Variants in RIMS1 observed in about 807,000 individuals in gnomAD.
RIMS1 encodes the protein regulating synaptic membrane exocytosis 1.
RIMS1 carries 83 observed loss-of-function variants against 214.1 expected under a neutral mutation model. The ratio of observed to expected loss-of-function variants is 0.39; its 90% confidence interval spans 0.32 to 0.47. RIMS1 has a LOEUF of 0.47. Ranked by LOEUF, RIMS1 falls within the 20% of genes least tolerant of loss-of-function variation. The probability of loss-of-function intolerance (pLI) is 0.99; values close to 1 mark genes in which losing one functional copy is unlikely to be tolerated. For synonymous variants in RIMS1, 793 were observed against 786.8 expected (o/e 1.01, Z -0.13); for missense variants, 2,050 against 2,161.8 (o/e 0.95, Z 1.03).
intron 4 of RIMS1, among the ~76,000 whole-genome samples, chr6:72,151,733 G>C (rs2043621584): frequency 6.6e-6 from 1 of 152,132 alleles, no homozygotes; most frequent in African/African-American, 2.4e-5. Flanking sequence ...TTTCAGGGCA[G>C]TACATTTTAC....
chr6:72,038,572 G>C (rs1335411680), intron 2 of RIMS1, among the ~76,000 whole-genome samples: 3 of 151,970 alleles, frequency 2.0e-5, no homozygotes, highest in Non-Finnish European at 4.4e-5. Flanking sequence ...TGGGAAATAG[G>C]GAGTTTTAAA....
Position 72,265,457 on chromosome 6 carries a change from T to C in RIMS1, c.3262T>C (p.Cys1088Arg), listed in dbSNP as rs1350481528. 1.2e-6 allele frequency: 2 copies of C among 1,609,410 alleles called. No individual in the cohort carries two copies. The highest frequency in any genetic ancestry group is 1.7e-5 in the Admixed American group (1 of 59,842). Residue 1088 changes from cysteine (C) to arginine (R), a missense_variant, in exon 21 of 34, where the codon TGC becomes CGC. Transcript: ENST00000521978. ...TRQDISLHHE[C>R]FNSTVLRFTD... ...ACAGGACATTTCCCTTCATCATGAA[T>C]GCTTTAACTCAACAGTATTGAGATT... is the stretch of plus-strand genomic sequence containing the variant.
chr6:72,071,380 G>T (rs1830551455), intron 2 of RIMS1, among the ~76,000 whole-genome samples: 1 of 152,044 alleles, frequency 6.6e-6, no homozygotes, highest in Admixed American at 6.6e-5. Context: ...CTCCAGCCTG[G>T]GTGACAGAGT....
intron 2 of RIMS1, among the ~76,000 whole-genome samples, chr6:71,983,938 A>G (rs1334309777): frequency 6.6e-6 from 1 of 152,124 alleles, no homozygotes; most frequent in African/African-American, 2.4e-5. Context: ...CTAAATTCCA[A>G]TGTCTGGATT....
At position 72,043,453 on chromosome 6, in the gene RIMS1, G is replaced by A. The variant is rs530975730; in HGVS notation, c.246-53496G>A. On this transcript the variant is annotated intron_variant, in intron 2 of 33. Transcript: ENST00000521978. The stretch of plus-strand genomic sequence containing the variant: ...GTTCCTGATGACCTGTGAGTGTGAG[G>A]AAGGAGGTCAAAACTAGAACAACAT... Among the ~76,000 whole-genome samples the A allele has an allele frequency of 2.6e-5, 4 of 151,880 alleles. No individual in the cohort carries two copies. In the South Asian group the frequency reaches 8.3e-4, roughly 32 times the overall value.
At chr6:72,163,982 C>T (rs1211777784) in intron 4 of RIMS1, among the ~76,000 whole-genome samples, 1 of 152,138 alleles carries the variant, frequency 6.6e-6, no homozygotes, top group Non-Finnish European at 1.5e-5. Context: ...ATGCCCTGCC[C>T]CCAGAGGTGG....
At chr6:72,289,145 G>T (rs979615197) in intron 24 of RIMS1, among the ~76,000 whole-genome samples, 1 of 152,150 alleles carries the variant, frequency 6.6e-6, no homozygotes, top group African/African-American at 2.4e-5. Flanking sequence ...TTGCTTTAAG[G>T]AATGGAGCAA....
At chr6:72,285,947 C>T (rs1305528072) in intron 24 of RIMS1, among the ~76,000 whole-genome samples, 1 of 151,908 alleles carries the variant, frequency 6.6e-6, no homozygotes, top group Non-Finnish European at 1.5e-5. Flanking sequence ...CCTGTAATAC[C>T]AGCACTTTGG....
rs1344491366 is a variant in RIMS1, at chr6:72,233,919, C to A, written c.1746+79C>A. 8.9e-6 allele frequency: 8 copies of A among 896,778 alleles called. No individual in the cohort carries two copies. The East Asian group carries it at 1.8e-4, about 21-fold the overall frequency. The allele number at this position is 896,778 out of a possible 1,614,324, so 55.6% of individuals were successfully genotyped here. On this transcript the variant is annotated intron_variant, in intron 7 of 33. Coordinates refer to ENST00000521978, the MANE Select transcript of RIMS1 (RefSeq NM_014989.7). ...TTGTCCTTTGTCTGATATGTGATAT[C>A]TGCTCTATTATTCATTTGGTAAGGG...
In RIMS1 at chr6:72,180,882, G is replaced by A. The variant is rs1562509068; in HGVS notation, c.812+967G>A. On this transcript the variant is annotated intron_variant, in intron 5 of 33. Coordinates refer to ENST00000521978, the MANE Select transcript of RIMS1 (RefSeq NM_014989.7). ...TTAAATAGGTCTGGATTCTAGTCCTGGCTCTGCCACAATAGGCAGTAAAAA... is the reference window on the plus strand; with the variant it reads ...TTAAATAGGTCTGGATTCTAGTCCTAGCTCTGCCACAATAGGCAGTAAAAA... Among the ~76,000 whole-genome samples the A allele has an allele frequency of 3.3e-5, 5 of 152,190 alleles. No homozygotes were observed. The South Asian group carries it at 1.0e-3, about 32-fold the overall frequency.
intron 2 of RIMS1, among the ~76,000 whole-genome samples, chr6:71,984,850 A>G (rs1223432745): frequency 2.0e-5 from 3 of 151,982 alleles, no homozygotes; most frequent in Non-Finnish European, 4.4e-5. Context: ...ATTATTGCCT[A>G]TCCATCTATC....
Position 72,265,393 on chromosome 6 carries a change from A to G in RIMS1, c.3198A>G (p.Ser1066=). ...TGTGTAATTTTAATTTGTGGAGCTC[A>G]ATTCTGCCTGCACATACTAAGACCA... ...QSSSHWNIYS[S]ILPAHTKTKS... The change falls in exon 21 of 34, where the codon TCA becomes TCG. Residue 1066 remains serine (S), a synonymous_variant. Coordinates refer to ENST00000521978, the MANE Select transcript of RIMS1 (RefSeq NM_014989.7). 2.6e-6 allele frequency: 4 copies of G among 1,548,948 alleles called. No individual in the cohort carries two copies. Among genetic ancestry groups the G allele is most frequent in the Non-Finnish European group, 3.5e-6 (4 of 1,130,788 alleles).
At chr6:72,145,765 T>C (rs2042663552) in intron 4 of RIMS1, among the ~76,000 whole-genome samples, 2 of 152,214 alleles carry the variant, frequency 1.3e-5, no homozygotes, top group African/African-American at 2.4e-5. Flanking sequence ...AAGCACACCC[T>C]TCCAGTCAAA....
At chr6:72,173,480 A>T (rs1392863227) in intron 4 of RIMS1, among the ~76,000 whole-genome samples, 1 of 150,426 alleles carries the variant, frequency 6.6e-6, no homozygotes, top group Admixed American at 6.6e-5. Flanking sequence ...CTAACGTTTT[A>T]TCTCTCTAAC....
intron 29 of RIMS1, among the ~76,000 whole-genome samples, chr6:72,338,274 A>G (rs1301929258): frequency 6.6e-6 from 1 of 151,830 alleles, no homozygotes; most frequent in African/African-American, 2.4e-5. Flanking sequence ...CTTTTTAATG[A>G]TCACCATTTT....
At position 71,886,791 on chromosome 6, in the gene RIMS1, G is replaced by A. The variant is rs1016468138; in HGVS notation, c.-233G>A. 3.8e-6 allele frequency: 2 copies of A among 527,856 alleles called. No homozygotes were observed. The highest frequency in any genetic ancestry group is 2.7e-5 in the South Asian group (1 of 36,992). 32.7% of individuals were successfully genotyped at this position (527,856 alleles called of 1,614,324 possible). On this transcript the variant is annotated 5_prime_UTR_variant, in exon 1 of 34. Transcript: ENST00000521978. ...GGGCGGCCCCGAGCTTCGCTAGGGC[G>A]ACCAAAACAAAGGCAGCATCCGGGG...
chr6:71,948,567 G>C (rs1788544459), intron 1 of RIMS1, among the ~76,000 whole-genome samples: 1 of 152,074 alleles, frequency 6.6e-6, no homozygotes, highest in Non-Finnish European at 1.5e-5. Flanking sequence ...TTTCTCCTCT[G>C]TAAATTAGAG....
At chr6:72,293,963 A>G (rs1563689949) in intron 26 of RIMS1, among the ~76,000 whole-genome samples, 1 of 151,666 alleles carries the variant, frequency 6.6e-6, no homozygotes, top group East Asian at 1.9e-4. Flanking sequence ...GTTTCCTGAA[A>G]TATATGATCT....
rs188563735 is a variant in RIMS1, at chr6:71,977,096, A to G, written c.245+8033A>G. Reference sequence around the variant, plus strand: ...TGTCAGGGACAACACAAAAGAATGGATAATCCACTTGTAGACTGTTACCAC... The same window carrying G: ...TGTCAGGGACAACACAAAAGAATGGGTAATCCACTTGTAGACTGTTACCAC... On this transcript the variant is annotated intron_variant, in intron 2 of 33. Transcript: ENST00000521978. Among the ~76,000 whole-genome samples, 187 of 152,254 alleles carry G rather than the reference A, an allele frequency of 1.2e-3. 2 individuals carry two copies. The highest frequency in any genetic ancestry group is 4.5e-3 in the African/African-American group (186 of 41,564).
Sources: gnomAD v4.1 joint callset for allele counts (sites outside exome capture counted in the v4.1 genomes callset) on GRCh38, gnomAD v4.1.1 for gene constraint, MANE v1.5 for transcripts, NCBI Gene and HGNC (gene_info 2026-07-23, HGNC 2026-07-21) for gene names.